Variants in WDCP observed in about 807,000 individuals in gnomAD.
WDCP encodes the protein WD repeat and coiled coil containing.
Under a neutral mutation model 41.6 loss-of-function variants are expected in WDCP, and 19 were observed. That is an observed-to-expected ratio of 0.46 (90% CI 0.32 to 0.67). The LOEUF (loss-of-function observed/expected upper bound fraction) is 0.67. Among genes scored for constraint, WDCP ranks in the 30% least tolerant of loss-of-function variants. The pLI is 0.04. For missense variants in WDCP, 802 were observed against 850.7 expected, an observed-to-expected ratio of 0.94 and a Z score of 0.71; for synonymous variants, 302 against 320.8, an observed-to-expected ratio of 0.94 and a Z score of 0.63.
Position 24,039,273 on chromosome 2 carries a change from A to G in WDCP, c.222T>C (p.Pro74=), listed in dbSNP as rs766816835. The part of the protein sequence containing the change: ...SWAPPVADDT[P]VLLAVQHEKH... ...TCTCATGCTGGACAGCGAGTAGAAC[A>G]GGTGTATCATCTGCAACAGGTGGGG... The change falls in exon 2 of 4, where the codon CCT becomes CCC. Residue 74 remains proline, a synonymous_variant. Coordinates refer to ENST00000295148, the MANE Select transcript of WDCP (RefSeq NM_025203.3). The G allele has an allele frequency of 3.1e-6, 5 of 1,614,222 alleles. No homozygotes were observed. The East Asian group carries it at 1.1e-4, about 36-fold the overall frequency.
In WDCP at chr2:24,038,853, G is replaced by A. The variant is rs1156775734; in HGVS notation, c.642C>T (p.Asp214=). ...SHVCSITATV[D]SQVAIATELP... ...GCTCAGTAGCTATAGCAACCTGTGA[G>A]TCCACAGTTGCTGTGATGGAGCAGA... Residue 214 remains aspartate, a synonymous_variant, in exon 2 of 4, where the codon GAC becomes GAT. Transcript: ENST00000295148. 2 of 1,614,114 alleles carry A rather than the reference G, an allele frequency of 1.2e-6. No homozygotes were observed. The highest frequency in any genetic ancestry group is 4.5e-5 in the East Asian group (2 of 44,906).
rs536361011 is a variant in WDCP, at chr2:24,039,831, C to T, written c.-18-319G>A. On this transcript the variant is annotated intron_variant, in intron 1 of 3. Coordinates refer to ENST00000295148, the MANE Select transcript of WDCP (RefSeq NM_025203.3). ...TTTTTTTTTGAGACGGAGTCTCACT[C>T]TTGTTGCTCAGGCTGAAGTGCAATG... Among the ~76,000 whole-genome samples the T allele has an allele frequency of 1.6e-3, 243 of 151,886 alleles. 12 individuals carry two copies. The South Asian group carries it at 0.048, about 30-fold the overall frequency.
chr2:24,032,799 A>G (rs1030845670), intron 3 of WDCP, 30 bp downstream of exon 3: 2 of 1,278,518 alleles, frequency 1.6e-6, no homozygotes, highest in Admixed American at 3.4e-5. Context: ...CAAGGATGTT[A>G]GCTAGGGTCA....
At position 24,040,507 on chromosome 2, in the gene WDCP, C is replaced by T. The variant is rs150013452; in HGVS notation, c.-18-995G>A. Among the ~76,000 whole-genome samples, 17 of 152,316 alleles carry T rather than the reference C, an allele frequency of 1.1e-4. No homozygotes were observed. The East Asian group carries it at 3.1e-3, about 28-fold the overall frequency. Reference sequence around the variant, plus strand: ...AATCCTTCCAAAGTGGCTTTTATCCCTCTATTGAAATGACACTCAAAAATC... The same window carrying T: ...AATCCTTCCAAAGTGGCTTTTATCCTTCTATTGAAATGACACTCAAAAATC... On this transcript the variant is annotated intron_variant, in intron 1 of 3. Coordinates refer to ENST00000295148, the MANE Select transcript of WDCP (RefSeq NM_025203.3).
chr2:24,031,891 C>T (rs774715517), intron 3 of WDCP, among the ~76,000 whole-genome samples: 2 of 151,350 alleles, frequency 1.3e-5, no homozygotes, highest in Admixed American at 1.3e-4. Context: ...TTTAGTGCAA[C>T]AGAAATAAAT....
chr2:24,037,914 G>A lies in WDCP; in HGVS notation c.1581C>T (p.His527=). 1 of 1,614,146 alleles carries A rather than the reference G, an allele frequency of 6.2e-7. No homozygotes were observed. The highest frequency in any genetic ancestry group is 8.5e-7 in the Non-Finnish European group (1 of 1,180,002). ...TGCTGGTGTGGTCTGGTGTGCTGCTGTGTCTGGGCAGCGATGCTGGCTGGG... is the reference window on the plus strand; with the variant it reads ...TGCTGGTGTGGTCTGGTGTGCTGCTATGTCTGGGCAGCGATGCTGGCTGGG... ...PVTQPASLPR[H]SSTPDHTSTL... The change falls in exon 2 of 4, where the codon CAC becomes CAT. Residue 527 remains histidine, a synonymous_variant. Transcript: ENST00000295148.
At chr2:24,040,545 T>A (rs1573663955) in intron 1 of WDCP, among the ~76,000 whole-genome samples, 1 of 152,406 alleles carries the variant, frequency 6.6e-6, no homozygotes, top group Non-Finnish European at 1.5e-5. Context: ...TGTTTCTATT[T>A]CTACTTCTAC....
At position 24,038,899 on chromosome 2, in the gene WDCP, A is replaced by C; in HGVS notation, c.596T>G (p.Val199Gly). The C allele has an allele frequency of 6.2e-7, 1 of 1,614,228 alleles. No individual in the cohort carries two copies. The highest frequency in any genetic ancestry group is 8.5e-7 in the Non-Finnish European group (1 of 1,180,026). Reference sequence around the variant, plus strand: ...GCAGACGTGGCTGTCCACATCAAACACCAGGCAGGAGGAGCACCTGTGAAG... The same window carrying C: ...GCAGACGTGGCTGTCCACATCAAACCCCAGGCAGGAGGAGCACCTGTGAAG... ...KTLHRCSSCL[V>G]FDVDSHVCSI... Residue 199 changes from valine (V) to glycine (G), a missense_variant, in exon 2 of 4, where the codon GTG (valine) becomes GGG (glycine). This residue lies in a region of WDCP where 214 missense variants were observed against 252.9 expected (regional missense o/e 0.85). Transcript: ENST00000295148.
chr2:24,030,470 T>A lies in WDCP; in HGVS notation c.*463A>T, dbSNP rs1050977660. 6.5e-6 allele frequency: 1 copy of A among 153,004 alleles called. No homozygotes were observed. Among genetic ancestry groups the A allele is most frequent in the African/African-American group, 2.4e-5 (1 of 41,460 alleles). 9.5% of individuals were successfully genotyped at this position (153,004 alleles called of 1,614,324 possible). On this transcript the variant is annotated 3_prime_UTR_variant, in exon 4 of 4. Transcript: ENST00000295148. The stretch of plus-strand genomic sequence containing the variant: ...TCCTTGGAGCTCTGCTAATTCTTGC[T>A]GGTTTGAGGTTAATATGCTAGAGCA...
At chr2:24,043,033 C>A (rs867568942) in intron 1 of WDCP, among the ~76,000 whole-genome samples, 376 of 134,856 alleles carry the variant, frequency 2.8e-3, no homozygotes, top group Middle Eastern at 4.1e-3. Flanking sequence ...AACTCCGTCT[C>A]AAAAAAAAAA....
At chr2:24,032,291 C>T (rs1276331588) in intron 3 of WDCP, among the ~76,000 whole-genome samples, 4 of 152,150 alleles carry the variant, frequency 2.6e-5, no homozygotes, top group Non-Finnish European at 5.9e-5. Context: ...CCGAGGCAGG[C>T]GGATTGCCTG....
chr2:24,032,458 C>T (rs1451242789), intron 3 of WDCP, among the ~76,000 whole-genome samples: 7 of 152,134 alleles, frequency 4.6e-5, no homozygotes, highest in East Asian at 1.9e-4. Flanking sequence ...GCTGAGACTG[C>T]GCCACTGTAC....
At position 24,038,430 on chromosome 2, in the gene WDCP, T is replaced by G. The variant is rs777585038; in HGVS notation, c.1065A>C (p.Ala355=). 1 of 1,614,164 alleles carries G rather than the reference T, an allele frequency of 6.2e-7. No individual in the cohort carries two copies. Among genetic ancestry groups the G allele is most frequent in the Admixed American group, 1.7e-5 (1 of 60,032 alleles). Residue 355 remains alanine, a synonymous_variant, in exon 2 of 4, where the codon GCA becomes GCC. Coordinates refer to ENST00000295148, the MANE Select transcript of WDCP (RefSeq NM_025203.3). ...IAFNLKAHVV[A]VASNTCNIIL... ...TTATATTACAAGTGTTGGAAGCCACTGCCACTACGTGGGCTTTAAGATTAA... is the reference window on the plus strand; with the variant it reads ...TTATATTACAAGTGTTGGAAGCCACGGCCACTACGTGGGCTTTAAGATTAA...
rs563668347 is a variant in WDCP, at chr2:24,039,964, A to AT, written c.-18-453dup. On this transcript the variant is annotated intron_variant, in intron 1 of 3. Coordinates refer to ENST00000295148, the MANE Select transcript of WDCP (RefSeq NM_025203.3). Reference sequence around the variant, plus strand: ...AGGTGCCTGCCACCAGGCCCAGCTAATTTTTTTTTTATTTTTAGTAGAGAC... The same window carrying AT: ...AGGTGCCTGCCACCAGGCCCAGCTAATTTTTTTTTTTATTTTTAGTAGAGAC... Among the ~76,000 whole-genome samples, 38 of 149,866 alleles carry AT rather than the reference A, an allele frequency of 2.5e-4. No individual in the cohort carries two copies. In the South Asian group the frequency reaches 7.4e-3, roughly 29 times the overall value.
intron 2 of WDCP, among the ~76,000 whole-genome samples, chr2:24,036,336 T>G (rs1467257026): frequency 2.7e-5 from 4 of 150,320 alleles, no homozygotes; most frequent in Non-Finnish European, 5.9e-5. Context: ...CAAGATCCTG[T>G]CTCTGCTAAA....
chr2:24,044,190 A>G lies in WDCP; in HGVS notation c.-19+3124T>C, dbSNP rs78412469. On this transcript the variant is annotated intron_variant, in intron 1 of 3. Transcript: ENST00000295148. ...GGATACCAAATTCTGTCTAATGTCA[A>G]TGAGGGTGTGTGTGGCCAGGGTAGC... is the stretch of plus-strand genomic sequence containing the variant. Among the ~76,000 whole-genome samples, 1,103 of 151,750 alleles carry G rather than the reference A, an allele frequency of 7.3e-3. 10 individuals carry two copies. Among genetic ancestry groups the G allele is most frequent in the African/African-American group, 0.026 (1,057 of 41,448 alleles).
chr2:24,041,564 A>C (rs1480347100), intron 1 of WDCP, among the ~76,000 whole-genome samples: 2 of 151,996 alleles, frequency 1.3e-5, no homozygotes, highest in East Asian at 3.9e-4. Flanking sequence ...GGCATGAGCC[A>C]CCCAGCACTT....
intron 1 of WDCP, among the ~76,000 whole-genome samples, chr2:24,044,381 T>C (rs1484545959): frequency 6.6e-6 from 1 of 152,120 alleles, no homozygotes; most frequent in Non-Finnish European, 1.5e-5. Context: ...GTGATTCTTG[T>C]GCCTCAGCCT....
At chr2:24,033,206 C>A in intron 2 of WDCP, 1 of 557,190 alleles carries the variant, frequency 1.8e-6, no homozygotes, top group South Asian at 1.5e-5. Context: ...TAGAATACAA[C>A]TAATAACACT....
Sources: gnomAD v4.1 joint callset for allele counts (sites outside exome capture counted in the v4.1 genomes callset) on GRCh38, gnomAD v4.1.1 for gene constraint, gnomAD v4.1.1 regional missense constraint, MANE v1.5 for transcripts, NCBI Gene and HGNC (gene_info 2026-07-23, HGNC 2026-07-21) for gene names.